ADGRF5: variants seen among roughly 807,000 people sequenced by gnomAD.
The protein encoded by ADGRF5 is adhesion G protein-coupled receptor F5, also known as G-protein coupled receptor 116.
ADGRF5 carries 75 observed loss-of-function variants against 132.3 expected under a neutral mutation model. That is an observed-to-expected ratio of 0.57 (90% confidence interval 0.47 to 0.69). The LOEUF is 0.69. Among genes scored for constraint, ADGRF5 ranks in the 30% least tolerant of loss-of-function variants. ADGRF5 has a pLI of 0.00. For missense variants in ADGRF5, 1,516 were observed against 1,630.6 expected (o/e 0.93, Z 1.21); for synonymous variants, 629 against 597.6 (o/e 1.05, Z -0.77).
At chr6:46,901,655 T>G (rs1581922187) in intron 2 of ADGRF5, among the ~76,000 whole-genome samples, 3 of 152,238 alleles carry the variant, frequency 2.0e-5, no homozygotes, top group Admixed American at 2.0e-4. Context: ...AGAGCAGGAT[T>G]CAAACCCAGC....
chr6:46,856,033 G>C lies in ADGRF5; in HGVS notation c.3902C>G (p.Pro1301Arg). Residue 1301 changes from proline (P) to arginine (R), a missense_variant, in exon 20 of 21, where the codon CCT becomes CGT. Pro to Arg is a moderately radical substitution (Grantham distance 103). Around this residue, in one of 2 missense-constraint regions of ADGRF5, gnomAD observed 571 missense variants for 701.2 expected, o/e 0.81. Transcript: ENST00000283296. ...SKSTSLGSSTPVFSMSSPISR... is the reference protein window; with the variant it reads ...SKSTSLGSSTRVFSMSSPISR... ...TATTGGAGAACTCATAGAAAACACAGGTGTGGATGAACCCAGGGATGTTGA... is the reference window on the plus strand; with the variant it reads ...TATTGGAGAACTCATAGAAAACACACGTGTGGATGAACCCAGGGATGTTGA... 6.2e-7 allele frequency: 1 copy of C among 1,600,054 alleles called. No homozygotes were observed. Among genetic ancestry groups the C allele is most frequent in the Non-Finnish European group, 8.5e-7 (1 of 1,170,126 alleles).
chr6:46,876,503 C>T (rs1366589264), intron 10 of ADGRF5, among the ~76,000 whole-genome samples: 2 of 152,198 alleles, frequency 1.3e-5, no homozygotes, highest in Non-Finnish European at 2.9e-5. Flanking sequence ...TTACCACATG[C>T]CTTTCTTCTG....
At position 46,867,771 on chromosome 6, in the gene ADGRF5, A is replaced by G. The variant is rs545525935; in HGVS notation, c.1622-634T>C. Among the ~76,000 whole-genome samples the G allele has an allele frequency of 2.9e-4, 43 of 146,168 alleles. No individual in the cohort carries two copies. The South Asian group carries it at 7.2e-3, about 25-fold the overall frequency. On this transcript the variant is annotated intron_variant, in intron 12 of 20. Coordinates refer to ENST00000283296, the MANE Select transcript of ADGRF5 (RefSeq NM_001098518.2). The stretch of plus-strand genomic sequence containing the variant: ...AACCAGAGGGCGAACGAGCAAAGAA[A>G]GGAAACTCCTTTTAATTCCTGCTGC...
In ADGRF5 at chr6:46,938,876, A is replaced by AT. The variant is rs34685701; in HGVS notation, c.-25+15857dup. Among the ~76,000 whole-genome samples, 1,104 of 147,524 alleles carry AT rather than the reference A, an allele frequency of 7.5e-3. 7 individuals carry two copies. The highest frequency in any genetic ancestry group is 0.011 in the Non-Finnish European group (709 of 66,856). On this transcript the variant is annotated intron_variant, in intron 1 of 20. Transcript: ENST00000265417. ...ATTTTTCATTCTTTCTACTTTTCTG[A>AT]TTTTTTTTTTTTTTTTATGGAGTCT...
At chr6:46,856,260 T>A (rs1000606930) in intron 19 of ADGRF5, among the ~76,000 whole-genome samples, 1 of 152,238 alleles carries the variant, frequency 6.6e-6, no homozygotes, top group Non-Finnish European at 1.5e-5. Context: ...TATTGTTTGT[T>A]AGGCTTCTAG....
At chr6:46,915,236 T>A (rs1034497352) in intron 1 of ADGRF5, among the ~76,000 whole-genome samples, 8 of 152,152 alleles carry the variant, frequency 5.3e-5, no homozygotes, top group African/African-American at 1.9e-4. Flanking sequence ...AGCTTCACAG[T>A]TCTGTGGTTC....
intron 20 of ADGRF5, 90 bp downstream of exon 20, chr6:46,855,884 G>A (rs771346269): frequency 1.3e-6 from 1 of 749,434 alleles, no homozygotes. Flanking sequence ...TAAATGCCAT[G>A]AGCGGGGTGA....
At chr6:46,890,548 C>A (rs1363116274) in intron 3 of ADGRF5, among the ~76,000 whole-genome samples, 1 of 151,592 alleles carries the variant, frequency 6.6e-6, no homozygotes, top group African/African-American at 2.4e-5. Flanking sequence ...GAAACCCCGT[C>A]TCTACTAAAA....
chr6:46,940,760 A>G (rs1461290195), intron 1 of ADGRF5, among the ~76,000 whole-genome samples: 1 of 152,204 alleles, frequency 6.6e-6, no homozygotes, highest in Non-Finnish European at 1.5e-5. Context: ...AAAAGTCCTT[A>G]TATTTTGACC....
chr6:46,907,588 T>G (rs1206117734), intron 1 of ADGRF5, among the ~76,000 whole-genome samples: 1 of 152,118 alleles, frequency 6.6e-6, no homozygotes. Flanking sequence ...ATTTTTGACA[T>G]TTTTTCACTT....
chr6:46,954,453 ACTT>A (rs1372495571), intron 1 of ADGRF5, among the ~76,000 whole-genome samples: 1 of 151,558 alleles, frequency 6.6e-6, no homozygotes, highest in Non-Finnish European at 1.5e-5. Context: ...AAAAAAAACT[ACTT>A]CTAATGAGAT....
At chr6:46,877,794 C>G (rs1771982134) in intron 10 of ADGRF5, among the ~76,000 whole-genome samples, 1 of 152,102 alleles carries the variant, frequency 6.6e-6, no homozygotes, top group Non-Finnish European at 1.5e-5. Context: ...GACCAGACAC[C>G]AGGAGAAGAG....
chr6:46,865,816 G>A (rs968955536), intron 13 of ADGRF5, among the ~76,000 whole-genome samples: 1 of 152,008 alleles, frequency 6.6e-6, no homozygotes, highest in African/African-American at 2.4e-5. Flanking sequence ...TATTCTATTT[G>A]GATATTTTAT....
intron 11 of ADGRF5, chr6:46,869,388 G>A: frequency 1.0e-6 from 1 of 985,330 alleles, no homozygotes; most frequent in Non-Finnish European, 1.2e-6. Context: ...CAGGGTAAAA[G>A]GTTGCAAACT....
At chr6:46,911,555 C>T (rs146127599) in intron 1 of ADGRF5, among the ~76,000 whole-genome samples, 2,670 of 152,236 alleles carry the variant, frequency 0.018, 38 homozygotes, top group South Asian at 0.044. Flanking sequence ...CCTTCAATGC[C>T]CAGGCAAAGG....
chr6:46,916,435 G>T (rs796240802), intron 1 of ADGRF5, among the ~76,000 whole-genome samples: 1 of 152,296 alleles, frequency 6.6e-6, no homozygotes, highest in Non-Finnish European at 1.5e-5. Flanking sequence ...CACAAGAAGT[G>T]GTGCAGGAGC....
At chr6:46,878,052 A>C in intron 10 of ADGRF5, 150 bp downstream of exon 10, 6 of 633,290 alleles carry the variant, frequency 9.5e-6, no homozygotes, top group Non-Finnish European at 1.7e-5. Context: ...GCTAAGCTGG[A>C]GCTGGCATCA....
chr6:46,863,742 A>C (rs1562150981), intron 14 of ADGRF5, among the ~76,000 whole-genome samples: 1 of 152,218 alleles, frequency 6.6e-6, no homozygotes, highest in Non-Finnish European at 1.5e-5. Context: ...TAACATTAAG[A>C]TCTTAACCAC....
intron 12 of ADGRF5, 134 bp downstream of exon 12, chr6:46,868,749 A>G: frequency 1.6e-6 from 1 of 622,014 alleles, no homozygotes. Context: ...ATGTTGCGTT[A>G]AGTGTGAAGA....
Sources: gnomAD v4.1 joint callset for allele counts (sites outside exome capture counted in the v4.1 genomes callset) on GRCh38, gnomAD v4.1.1 for gene constraint, gnomAD v4.1.1 regional missense constraint, MANE v1.5 for transcripts, NCBI Gene and HGNC (gene_info 2026-07-23, HGNC 2026-07-21) for gene names.